HBP1: variants seen among roughly 807,000 people sequenced by gnomAD.
The protein encoded by HBP1 is HMG box-containing protein 1.
A neutral mutation model predicts 62.6 loss-of-function variants in HBP1; 20 were observed. That is an observed-to-expected ratio of 0.32 (90% CI 0.22 to 0.46). The LOEUF (loss-of-function observed/expected upper bound fraction) is 0.46. Among genes scored for constraint, HBP1 ranks in the 20% least tolerant of loss-of-function variants. The pLI is 1.00. For missense variants in HBP1, 480 were observed against 611.8 expected (o/e 0.78, Z 2.27); for synonymous variants, 232 against 206.2 (o/e 1.12, Z -1.07).
intron 1 of HBP1, among the ~76,000 whole-genome samples, chr7:107,176,266 C>T (rs948063707): frequency 1.5e-4 from 23 of 150,342 alleles, no homozygotes; most frequent in African/African-American, 2.2e-4. Flanking sequence ...CCTCGTGATC[C>T]GCCCTCCTCG....
chr7:107,190,872 C>G (rs1400191840), intron 8 of HBP1, among the ~76,000 whole-genome samples: 1 of 152,174 alleles, frequency 6.6e-6, no homozygotes, highest in African/African-American at 2.4e-5. Context: ...CAGAAAAGGA[C>G]AAGAACCCAT....
At chr7:107,197,336 A>ATAAG (rs1797960789) in intron 9 of HBP1, among the ~76,000 whole-genome samples, 1 of 152,146 alleles carries the variant, frequency 6.6e-6, no homozygotes, top group Non-Finnish European at 1.5e-5. Context: ...CTTTAGACAC[A>ATAAG]TAAGTGTGTA....
chr7:107,201,234 T>C (rs1410169426), intron 10 of HBP1, 180 bp from the exon 11 acceptor site: 2 of 464,530 alleles, frequency 4.3e-6, no homozygotes, highest in African/African-American at 4.0e-5. Flanking sequence ...GTCTTATCAT[T>C]GCATACATTT....
intron 7 of HBP1, 85 bp downstream of exon 7, chr7:107,189,533 G>GA (rs1797546612): frequency 9.6e-7 from 1 of 1,040,484 alleles, no homozygotes; most frequent in Admixed American, 2.6e-5. Context: ...TGATGATTAA[G>GA]AAAAAATTTG....
chr7:107,200,751 T>C (rs1293021449), intron 10 of HBP1: 1 of 153,124 alleles, frequency 6.5e-6, no homozygotes. Flanking sequence ...ACTTGTGCCA[T>C]TGGCACAGAA....
intron 4 of HBP1, among the ~76,000 whole-genome samples, 195 bp from the exon 5 acceptor site, chr7:107,186,166 C>CTTTTT (rs80124304): frequency 1.7e-5 from 2 of 116,138 alleles, no homozygotes; most frequent in Non-Finnish European, 3.6e-5. Context: ...CTTTTTTTTT[C>CTTTTT]TTTTTTTTTT....
At chr7:107,179,823 G>C in intron 1 of HBP1, 56 bp from the exon 2 acceptor site, 1 of 1,146,042 alleles carries the variant, frequency 8.7e-7, no homozygotes, top group Non-Finnish European at 1.3e-6. Context: ...TTAGGTTTGT[G>C]TACTGCCCAA....
At chr7:107,179,303 C>CA (rs1448679290) in intron 1 of HBP1, among the ~76,000 whole-genome samples, 5 of 152,120 alleles carry the variant, frequency 3.3e-5, no homozygotes, top group Admixed American at 3.3e-4. Flanking sequence ...AAAGTATATA[C>CA]AATGCCATTT....
At chr7:107,169,286 T>G in intron 1 of HBP1, 101 bp downstream of exon 1, 1 of 572,638 alleles carries the variant, frequency 1.7e-6, no homozygotes, top group Non-Finnish European at 2.4e-6. Context: ...TCGTTCCTTC[T>G]TCTCGGAGGG....
At position 107,189,354 on chromosome 7, in the gene HBP1, T is replaced by C; in HGVS notation, c.828T>C (p.Ser276=). ...AAGAAAGTGTATCATTTGGCGAGTC[T>C]GTACTGAAGTTGACTTTTGATCCTG... is the stretch of plus-strand genomic sequence containing the variant. The part of the protein sequence containing the change: ...SHEESVSFGE[S]VLKLTFDPGT... The change falls in exon 7 of 11, where the codon TCT becomes TCC. Residue 276 remains serine (S), a synonymous_variant. Coordinates refer to ENST00000222574, the MANE Select transcript of HBP1 (RefSeq NM_012257.4). 1 of 1,612,634 alleles carries C rather than the reference T, an allele frequency of 6.2e-7. No homozygotes were observed. The highest frequency in any genetic ancestry group is 8.5e-7 in the Non-Finnish European group (1 of 1,178,692).
intron 9 of HBP1, among the ~76,000 whole-genome samples, chr7:107,198,561 T>TAATCA (rs1554390345): frequency 6.6e-6 from 1 of 152,218 alleles, no homozygotes; most frequent in East Asian, 1.9e-4. Context: ...GATATACTGG[T>TAATCA]AATCAATCAT....
At position 107,180,061 on chromosome 7, in the gene HBP1, TG is replaced by T; in HGVS notation, c.169+1del. 6.4e-7 allele frequency: 1 copy of T among 1,554,244 alleles called. No homozygotes were observed. Among genetic ancestry groups the T allele is most frequent in the Non-Finnish European group, 8.8e-7 (1 of 1,135,450 alleles). On this transcript the variant is annotated frameshift_variant and splice_region_variant, in exon 2 of 11. Transcript: ENST00000222574. LOFTEE classifies it high-confidence loss of function. ...YNSCDEHMELDDLPELQAVQS... is the reference protein window; with the variant it reads ...YNSCDEHMELXDLPELQAVQS... ...ACTCCTGTGATGAACACATGGAGCT[TG>T]GTAAGCAAAATTAAAAGTTATATAG...
rs764988287 is a variant in HBP1, at chr7:107,195,834, C to G, written c.1068C>G (p.Ser356Arg). The G allele has an allele frequency of 7.2e-7, 1 of 1,387,436 alleles. No individual in the cohort carries two copies. The highest frequency in any genetic ancestry group is 9.8e-7 in the Non-Finnish European group (1 of 1,020,272). 85.9% of individuals were successfully genotyped at this position (1,387,436 alleles called of 1,614,324 possible). The change falls in exon 9 of 11, where the codon AGC (serine) becomes AGG (arginine). Residue 356 changes from serine (S) to arginine (R), a missense_variant and splice_region_variant. Ser to Arg is a moderately radical substitution (Grantham distance 110). Coordinates refer to ENST00000222574, the MANE Select transcript of HBP1 (RefSeq NM_012257.4). ...ATTATTATTTTTTTTAATTTTATAG[C>G]TATGACTTCACACCTATGGATTCTT... ...DDSGVFDTFKSYDFTPMDSSA... is the reference protein window; with the variant it reads ...DDSGVFDTFKRYDFTPMDSSA...
At chr7:107,196,283 T>A (rs377250492) in intron 9 of HBP1, 132 bp downstream of exon 9, 42 of 725,174 alleles carry the variant, frequency 5.8e-5, no homozygotes, top group South Asian at 4.5e-4. Flanking sequence ...TTTTGTTTGT[T>A]TTTGAGACGG....
rs1797458758 is a variant in HBP1, at chr7:107,187,638, C to T, written c.765+957C>T. ...TTCAGTTTCGTCCCCTTGCTTTACT[C>T]TTCACTTTAGTGAAGTTCACAATAG... On this transcript the variant is annotated intron_variant, in intron 6 of 10. Coordinates refer to ENST00000222574, the MANE Select transcript of HBP1 (RefSeq NM_012257.4). Among the ~76,000 whole-genome samples, 3 of 152,068 alleles carry T rather than the reference C, an allele frequency of 2.0e-5. No individual in the cohort carries two copies. In the South Asian group the frequency reaches 6.2e-4, roughly 32 times the overall value.
chr7:107,192,611 A>G (rs1444792896), intron 8 of HBP1: 1 of 152,176 alleles, frequency 6.6e-6, no homozygotes. Context: ...ATATATGTAA[A>G]GTTTACATAT....
At chr7:107,198,901 A>G (rs1424481546) in intron 9 of HBP1, among the ~76,000 whole-genome samples, 1 of 151,924 alleles carries the variant, frequency 6.6e-6, no homozygotes, top group African/African-American at 2.4e-5. Context: ...TTAAAATAAT[A>G]AATGTTTCGC....
At chr7:107,187,701 C>T (rs1432671015) in intron 6 of HBP1, among the ~76,000 whole-genome samples, 1 of 152,178 alleles carries the variant, frequency 6.6e-6, no homozygotes, top group African/African-American at 2.4e-5. Context: ...AAAATTGTCT[C>T]AAAGGTTACT....
intron 8 of HBP1, chr7:107,192,603 A>AT (rs1797708838): frequency 6.6e-6 from 1 of 152,216 alleles, no homozygotes; most frequent in Non-Finnish European, 1.5e-5. Context: ...ACTTACAAAT[A>AT]TATGTAAAGT....
Sources: gnomAD v4.1 joint callset for allele counts (sites outside exome capture counted in the v4.1 genomes callset) on GRCh38, gnomAD v4.1.1 for gene constraint, MANE v1.5 for transcripts, NCBI Gene and HGNC (gene_info 2026-07-23, HGNC 2026-07-21) for gene names.